The following SCN10A variants were observed in gnomAD, a reference collection of about 807,000 sequenced individuals.
SCN10A encodes sodium voltage-gated channel alpha subunit 10.
Under a neutral mutation model 170.7 loss-of-function variants are expected in SCN10A, and 162 were observed. That is an observed-to-expected ratio of 0.95 (90% CI 0.84 to 1.08). The LOEUF (loss-of-function observed/expected upper bound fraction) is 1.08. Ranked by LOEUF, SCN10A falls within the 50% of genes least tolerant of loss-of-function variation. SCN10A has a pLI of 0.00. For missense variants in SCN10A, 2,527 were observed against 2,436.9 expected, an observed-to-expected ratio of 1.04 and a Z score of -0.78; for synonymous variants, 985 against 904.6, an observed-to-expected ratio of 1.09 and a Z score of -1.59.
intron 19 of SCN10A, 152 bp from the exon 20 acceptor site, chr3:38,722,564 C>T: frequency 1.3e-6 from 1 of 790,836 alleles, no homozygotes; most frequent in Non-Finnish European, 2.0e-6. Context: ...AGAGGGGTCC[C>T]TTCCAGGGAG....
intron 13 of SCN10A, among the ~76,000 whole-genome samples, chr3:38,746,736 G>C (rs1394740570): frequency 6.6e-6 from 1 of 152,074 alleles, no homozygotes; most frequent in African/African-American, 2.4e-5. Flanking sequence ...CTTTCAGCCT[G>C]GGATAATTCC....
chr3:38,777,176 A>C (rs2064086227), intron 4 of SCN10A, among the ~76,000 whole-genome samples: 1 of 152,056 alleles, frequency 6.6e-6, no homozygotes, highest in Non-Finnish European at 1.5e-5. Context: ...TCAATAAGAC[A>C]GGAAAAATAA....
chr3:38,699,092 C>G (rs1165787683), intron 27 of SCN10A, among the ~76,000 whole-genome samples: 5 of 152,014 alleles, frequency 3.3e-5, no homozygotes, highest in Admixed American at 3.3e-4. Flanking sequence ...GCTAATTGTA[C>G]GGAGCCTGGT....
chr3:38,773,449 G>C (rs1375664782), intron 4 of SCN10A, among the ~76,000 whole-genome samples: 1 of 152,150 alleles, frequency 6.6e-6, no homozygotes, highest in African/African-American at 2.4e-5. Flanking sequence ...AAAACATCTA[G>C]GTCAGAATGA....
chr3:38,796,357 T>C (rs1340915015), intron 1 of SCN10A, among the ~76,000 whole-genome samples: 1 of 152,202 alleles, frequency 6.6e-6, no homozygotes, highest in African/African-American at 2.4e-5. Context: ...CTCTCCATCA[T>C]ACTGCTGGTC....
intron 4 of SCN10A, among the ~76,000 whole-genome samples, chr3:38,774,586 C>A (rs965875285): frequency 6.6e-6 from 1 of 152,196 alleles, no homozygotes; most frequent in African/African-American, 2.4e-5. Flanking sequence ...GAGCCACTTG[C>A]ACCACTGATG....
intron 4 of SCN10A, among the ~76,000 whole-genome samples, chr3:38,775,058 CT>C (rs2064055643): frequency 6.6e-6 from 1 of 152,050 alleles, no homozygotes; most frequent in Admixed American, 6.5e-5. Flanking sequence ...CACCTTTCCT[CT>C]TTTAAAAAAA....
chr3:38,752,657 G>A (rs1184923797), intron 11 of SCN10A, 145 bp from the exon 12 acceptor site: 2 of 554,542 alleles, frequency 3.6e-6, no homozygotes, highest in Non-Finnish European at 6.0e-6. Flanking sequence ...AAATCTAAGG[G>A]GTATTCTAGG....
chr3:38,807,572 G>T (rs184961528), intron 1 of SCN10A, among the ~76,000 whole-genome samples: 1 of 152,168 alleles, frequency 6.6e-6, no homozygotes, highest in East Asian at 1.9e-4. Flanking sequence ...CTTCACTGAA[G>T]GCTTCTACAT....
chr3:38,714,674 A>G (rs1353275857), intron 21 of SCN10A, among the ~76,000 whole-genome samples: 1 of 152,212 alleles, frequency 6.6e-6, no homozygotes, highest in Non-Finnish European at 1.5e-5. Flanking sequence ...AAGTTCTGAT[A>G]GCTCTGCAGT....
Position 38,781,288 on chromosome 3 carries a change from G to A in SCN10A, c.470+7668C>T, listed in dbSNP as rs539299029. Among the ~76,000 whole-genome samples the A allele has an allele frequency of 2.0e-5, 3 of 152,166 alleles. No individual in the cohort carries two copies. The South Asian group carries it at 6.2e-4, about 32-fold the overall frequency. ...CAAAAAAAGTCGTGGTCACTGCTTG[G>A]TGGTCTGCTGCCGGTCTGATCTACT... On this transcript the variant is annotated intron_variant, in intron 4 of 27. Transcript: ENST00000449082.
chr3:38,697,740 T>A lies in SCN10A; in HGVS notation c.5480A>T (p.Glu1827Val), dbSNP rs1205611119. 10 of 1,613,842 alleles carry A rather than the reference T, an allele frequency of 6.2e-6. No homozygotes were observed. The highest frequency in any genetic ancestry group is 1.3e-5 in the African/African-American group (1 of 74,912). ...ELDSLKANME[E>V]KFMATNLSKS... ...TGAAAGATTAGTTGCCATAAACTTC[T>A]CCTCCATATTTGCCTTCAGAGAATC... The change falls in exon 28 of 28, where the codon GAG (glutamate) becomes GTG (valine). Residue 1827 changes from glutamate (E) to valine (V), a missense_variant. By Grantham distance (121) the Glu-to-Val change is moderately radical. Transcript: ENST00000449082.
At chr3:38,813,448 A>T (rs1040996294) in intron 1 of SCN10A, among the ~76,000 whole-genome samples, 2 of 152,212 alleles carry the variant, frequency 1.3e-5, no homozygotes, top group African/African-American at 4.8e-5. Context: ...CTAAATGATA[A>T]TAGGAATAGG....
intron 24 of SCN10A, among the ~76,000 whole-genome samples, 172 bp downstream of exon 24, chr3:38,710,672 G>T (rs1411969136): frequency 1.3e-5 from 2 of 150,834 alleles, no homozygotes; most frequent in Admixed American, 6.6e-5. Flanking sequence ...CTCGGTGGCT[G>T]AAACACTCAA....
intron 4 of SCN10A, among the ~76,000 whole-genome samples, chr3:38,775,803 A>G (rs1403487832): frequency 2.0e-5 from 3 of 152,144 alleles, no homozygotes; most frequent in Non-Finnish European, 4.4e-5. Context: ...AATTATACCA[A>G]TTGTTTTTCT....
At position 38,701,934 on chromosome 3, in the gene SCN10A, C is replaced by T. The variant is rs1219508254; in HGVS notation, c.4562G>A (p.Gly1521Asp). Residue 1521 changes from glycine to aspartate, a missense_variant, in exon 27 of 28, where the codon GGC becomes GAC. Gly to Asp is a moderately conservative substitution (Grantham distance 94). Coordinates refer to ENST00000449082, the MANE Select transcript of SCN10A (RefSeq NM_006514.4). ...INQFFVAVFT[G>D]ECVMKMFALR... is the part of the protein sequence containing the mutation. Reference sequence around the variant, plus strand: ...AGCGAACATCTTCATGACACATTCGCCTGTGAAGACGGCCACAAAGAACTG... The same window carrying T: ...AGCGAACATCTTCATGACACATTCGTCTGTGAAGACGGCCACAAAGAACTG... 3.1e-6 allele frequency: 5 copies of T among 1,614,080 alleles called. No homozygotes were observed. Among genetic ancestry groups the T allele is most frequent in the Non-Finnish European group, 4.2e-6 (5 of 1,180,042 alleles).
At chr3:38,753,821 A>G (rs984826378) in intron 11 of SCN10A, among the ~76,000 whole-genome samples, 10 of 152,220 alleles carry the variant, frequency 6.6e-5, no homozygotes, top group Admixed American at 1.3e-4. Flanking sequence ...GTTTTGACAA[A>G]TGGTGGGCAA....
chr3:38,796,488 T>C (rs911054688), intron 1 of SCN10A, among the ~76,000 whole-genome samples: 1 of 152,178 alleles, frequency 6.6e-6, no homozygotes, highest in African/African-American at 2.4e-5. Flanking sequence ...TTATGTGATA[T>C]CTTTATTTAA....
At chr3:38,807,561 G>A (rs1191597524) in intron 1 of SCN10A, among the ~76,000 whole-genome samples, 1 of 152,092 alleles carries the variant, frequency 6.6e-6, no homozygotes. Context: ...TCCATATGAG[G>A]CTTCACTGAA....
Sources: allele counts gnomAD v4.1 joint callset (sites outside exome capture counted in the v4.1 genomes callset), GRCh38; gene constraint gnomAD v4.1.1; transcripts MANE v1.5; gene names NCBI Gene and HGNC (gene_info 2026-07-23, HGNC 2026-07-21).